ATG2A: variants seen among roughly 807,000 people sequenced by gnomAD.
ATG2A encodes autophagy related 2A.
ATG2A carries 103 observed loss-of-function variants against 214.2 expected under a neutral mutation model. The observed-to-expected ratio is 0.48, with a 90% CI of 0.41 to 0.57. ATG2A has a LOEUF of 0.57. ATG2A is among the 20% of genes least tolerant of loss of function. The pLI, the probability that ATG2A is intolerant of heterozygous loss-of-function variation, is 0.00. For missense variants in ATG2A, 2,312 were observed against 2,613.2 expected (o/e 0.88, Z 2.51); for synonymous variants, 1,160 against 1,142.1 (o/e 1.02, Z -0.32).
intron 39 of ATG2A, 97 bp downstream of exon 39, chr11:64,896,365 C>T: frequency 1.4e-6 from 2 of 1,467,314 alleles, no homozygotes; most frequent in Non-Finnish European, 1.8e-6. Flanking sequence ...CCAGACTGCC[C>T]ACTCTGAGGA....
In ATG2A at chr11:64,915,139, C is replaced by A. The variant is rs569334715; in HGVS notation, c.172-639G>T. On this transcript the variant is annotated intron_variant, in intron 1 of 40. Coordinates refer to ENST00000377264, the MANE Select transcript of ATG2A (RefSeq NM_015104.3). Reference sequence around the variant, plus strand: ...GACCTAATGCCAGATGGGACCCCCCCCCCCCACCACCAACCCCAAACACCT... The same window carrying A: ...GACCTAATGCCAGATGGGACCCCCCACCCCCACCACCAACCCCAAACACCT... 6.6e-3 allele frequency among the ~76,000 whole-genome samples: 270 copies of A among 41,116 alleles called. 9 individuals are homozygous for A. The highest frequency in any genetic ancestry group is 0.015 in the African/African-American group (237 of 15,584). The allele number at this position is 41,116 out of a possible 152,430, so 27.0% of individuals were successfully genotyped here.
At chr11:64,911,698 G>T in intron 9 of ATG2A, 144 bp downstream of exon 9, 1 of 1,193,744 alleles carries the variant, frequency 8.4e-7, no homozygotes, top group Non-Finnish European at 1.2e-6. Flanking sequence ...CTCCCACCTT[G>T]TTTGGTCCCC....
In ATG2A at chr11:64,914,495, C is replaced by T. The variant is rs1158295511; in HGVS notation, c.177G>A (p.Val59=). 5 of 1,612,170 alleles carry T rather than the reference C, an allele frequency of 3.1e-6. No individual in the cohort carries two copies. Among genetic ancestry groups the T allele is most frequent in the African/African-American group, 1.3e-5 (1 of 74,926 alleles). ...ACTCCATTGACTCCAGCACCTCGTT[C>T]ACAGACTGGGAGCAAGCAAGAGACA... ...LRDIHLEIWS[V]NEVLESMESP... The change falls in exon 2 of 41, where the codon GTG becomes GTA. Residue 59 remains valine, a synonymous_variant. Coordinates refer to ENST00000377264, the MANE Select transcript of ATG2A (RefSeq NM_015104.3).
chr11:64,914,673 C>G (rs964476902), intron 1 of ATG2A, among the ~76,000 whole-genome samples, 173 bp from the exon 2 acceptor site: 3 of 152,168 alleles, frequency 2.0e-5, no homozygotes, highest in African/African-American at 7.2e-5. Context: ...CAGGCCAGCC[C>G]CCCTACCCCG....
intron 20 of ATG2A, 36 bp downstream of exon 20, chr11:64,906,629 T>A (rs1944562826): frequency 6.2e-7 from 1 of 1,611,342 alleles, no homozygotes; most frequent in Admixed American, 1.7e-5. Context: ...CCCCCAACCC[T>A]GGACCCCAGT....
intron 22 of ATG2A, 53 bp from the exon 23 acceptor site, chr11:64,905,901 C>T: frequency 1.9e-6 from 3 of 1,544,006 alleles, no homozygotes; most frequent in Non-Finnish European, 2.7e-6. Context: ...TGTCCTCCCT[C>T]CTCTAACCCC....
At position 64,902,076 on chromosome 11, in the gene ATG2A, G is replaced by T; in HGVS notation, c.4005C>A (p.Gly1335=). 6.2e-7 allele frequency: 1 copy of T among 1,614,004 alleles called. No individual in the cohort carries two copies. The highest frequency in any genetic ancestry group is 8.5e-7 in the Non-Finnish European group (1 of 1,180,018). Residue 1335 remains glycine (G), a synonymous_variant, in exon 29 of 41, where the codon GGC becomes GGA. Transcript: ENST00000377264. ...TCTCCTCTGAGCATGACCCTAAGCT[G>T]CCAGCAGGGCCCCCGACAGGTGGTG... The part of the protein sequence containing the change: ...PPSPPVGGPA[G]SLGSCSEEKE...
Position 64,902,378 on chromosome 11 carries a change from C to G in ATG2A, c.3786G>C (p.Glu1262Asp), listed in dbSNP as rs149707582. The change falls in exon 28 of 41, where the codon GAG becomes GAC. Residue 1262 changes from glutamate (E) to aspartate (D), a missense_variant. Physicochemically the swap from Glu to Asp is conservative, Grantham distance 45 (BLOSUM62 2). Transcript: ENST00000377264. Reference protein sequence around the residue: ...PTEIAGQKLSESPASLPSCPP... With the variant: ...PTEIAGQKLSDSPASLPSCPP... ...GGCACGAGGGCAGAGAGGCAGGACT[C>G]TCCGAGAGCTGGGCCAGGCAGGGGA... is the stretch of plus-strand genomic sequence containing the variant. 1,281 of 1,575,452 alleles carry G rather than the reference C, an allele frequency of 8.1e-4. 1 individual carries two copies. Among genetic ancestry groups the G allele is most frequent in the Non-Finnish European group, 1.1e-3 (1,221 of 1,161,362 alleles).
chr11:64,901,383 C>T (rs957173395), intron 29 of ATG2A, among the ~76,000 whole-genome samples: 15 of 152,118 alleles, frequency 9.9e-5, no homozygotes, highest in Admixed American at 9.8e-4. Flanking sequence ...GACGGGGTCT[C>T]ACTATGTTGC....
At chr11:64,912,693 A>G in intron 6 of ATG2A, 1 of 462,866 alleles carries the variant, frequency 2.2e-6, no homozygotes, top group South Asian at 2.8e-5. Flanking sequence ...TCCTGGGTTC[A>G]AGCGATTCTC....
At position 64,911,935 on chromosome 11, in the gene ATG2A, G is replaced by A; in HGVS notation, c.1135C>T (p.Leu379Phe). 1 of 1,613,708 alleles carries A rather than the reference G, an allele frequency of 6.2e-7. No homozygotes were observed. Among genetic ancestry groups the A allele is most frequent in the Non-Finnish European group, 8.5e-7 (1 of 1,179,824 alleles). ...ACATCGGAGAGGGAGAGCTCAGAGA[G>A]GGCTGAGGCCACACTGCTTGTGAGG... Reference protein sequence around the residue: ...AGLTSSVASALSELSLSDVDL... With the variant: ...AGLTSSVASAFSELSLSDVDL... The change falls in exon 9 of 41, where the codon CTC becomes TTC. Residue 379 changes from leucine to phenylalanine, a missense_variant. Coordinates refer to ENST00000377264, the MANE Select transcript of ATG2A (RefSeq NM_015104.3).
Position 64,910,919 on chromosome 11 carries a change from AGCTCCCAGGACAGCT to A in ATG2A, c.1487_1501del (p.Gln496_Glu500del). On this transcript the variant is annotated inframe_deletion, in exon 11 of 41. Transcript: ENST00000377264. ...CCGCCGGCCCCGACTGCCCGTCCGC[AGCTCCCAGGACAGCT>A]GCACGGCTGTGCCCGTTAGCCTGCG... 3 of 1,613,090 alleles carry A rather than the reference AGCTCCCAGGACAGCT, an allele frequency of 1.9e-6. No individual in the cohort carries two copies. Among genetic ancestry groups the A allele is most frequent in the Non-Finnish European group, 2.5e-6 (3 of 1,179,946 alleles).
At position 64,915,776 on chromosome 11, in the gene ATG2A, C is replaced by G. The variant is rs1419963585; in HGVS notation, c.171+1189G>C. Among the ~76,000 whole-genome samples the G allele has an allele frequency of 5.9e-5, 9 of 152,202 alleles. No individual in the cohort carries two copies. In the South Asian group the frequency reaches 1.9e-3, roughly 32 times the overall value. The stretch of plus-strand genomic sequence containing the variant: ...GGAGGATCCCTTCAGGGGTTCAAGG[C>G]TAGCCTGGGCAACATAGCGAAATCC... On this transcript the variant is annotated intron_variant, in intron 1 of 40. Coordinates refer to ENST00000377264, the MANE Select transcript of ATG2A (RefSeq NM_015104.3).
At position 64,897,884 on chromosome 11, in the gene ATG2A, C is replaced by T. The variant is rs1944211102; in HGVS notation, c.4949G>A (p.Gly1650Asp). The T allele has an allele frequency of 3.2e-6, 5 of 1,571,694 alleles. No homozygotes were observed. In the Middle Eastern group the frequency reaches 6.8e-4, roughly 215 times the overall value. Reference sequence around the variant, plus strand: ...GTCAGGAGGGGAGGGGCTGTGTCCACCTCCTGGGGCCTCCTGCGAACCAGT... The same window carrying T: ...GTCAGGAGGGGAGGGGCTGTGTCCATCTCCTGGGGCCTCCTGCGAACCAGT... ...ETTGSQEAPG[G>D]GHSPSPPDQQ... The change falls in exon 35 of 41, where the codon GGT becomes GAT. Residue 1650 changes from glycine to aspartate, a missense_variant. Physicochemically the swap from Gly to Asp is moderately conservative, Grantham distance 94. Transcript: ENST00000377264.
In ATG2A at chr11:64,913,085, C is replaced by T; in HGVS notation, c.778G>A (p.Glu260Lys). 6.3e-7 allele frequency: 1 copy of T among 1,576,510 alleles called. No homozygotes were observed. Among genetic ancestry groups the T allele is most frequent in the Non-Finnish European group, 8.6e-7 (1 of 1,159,526 alleles). ...LQIGSCSGYMELMVKLKQNEA... is the reference protein window; with the variant it reads ...LQIGSCSGYMKLMVKLKQNEA... ...TTTTGCTTCAACTTCACCATCAGCT[C>T]CATGTACCCTGAGCAGCTGCCGATC... The change falls in exon 6 of 41, where the codon GAG becomes AAG. Residue 260 changes from glutamate to lysine, a missense_variant. Physicochemically the swap from Glu to Lys is moderately conservative, Grantham distance 56. Coordinates refer to ENST00000377264, the MANE Select transcript of ATG2A (RefSeq NM_015104.3). The surrounding 1 kb of genome is among the most constrained non-coding windows in gnomAD (Gnocchi z 4.3).
In ATG2A at chr11:64,910,861, CAGCTGCCCGA is replaced by C; in HGVS notation, c.1550_1559del (p.Phe517TrpfsTer21). The C allele has an allele frequency of 6.2e-7, 1 of 1,608,852 alleles. No individual in the cohort carries two copies. The highest frequency in any genetic ancestry group is 8.5e-7 in the Non-Finnish European group (1 of 1,178,158). Reference sequence around the variant, plus strand: ...GGGGCCACAGACACTCCAGCACCTCCAGCTGCCCGAAGTGCACTTCCATGCTGGTTGTCCG... The same window carrying C: ...GGGGCCACAGACACTCCAGCACCTCCAGTGCACTTCCATGCTGGTTGTCCG... On this transcript the variant is annotated frameshift_variant, in exon 11 of 41. Transcript: ENST00000377264. LOFTEE classifies it high-confidence loss of function.
intron 24 of ATG2A, 139 bp downstream of exon 24, chr11:64,905,424 G>A: frequency 1.0e-6 from 1 of 973,392 alleles, no homozygotes; most frequent in African/African-American, 1.6e-5. Context: ...CTCTAGAAAG[G>A]CGGAAACAAT....
chr11:64,915,701 G>C (rs1314902558), intron 1 of ATG2A, among the ~76,000 whole-genome samples: 1 of 152,188 alleles, frequency 6.6e-6, no homozygotes, highest in Non-Finnish European at 1.5e-5. Context: ...GCCTAGGGCT[G>C]GGTATGGTGG....
Position 64,894,904 on chromosome 11 carries a change from T to G in ATG2A, c.*69A>C. ...GAAGGGCCAGGCCGGGCCGGGCCCG[T>G]GGGCTGCAGCTCTTGGGAGGCTCAG... On this transcript the variant is annotated 3_prime_UTR_variant, in exon 41 of 41. Transcript: ENST00000377264. 1 of 1,575,766 alleles carries G rather than the reference T, an allele frequency of 6.3e-7. No homozygotes were observed. Among genetic ancestry groups the G allele is most frequent in the Non-Finnish European group, 8.7e-7 (1 of 1,152,088 alleles).
Sources: gnomAD v4.1 joint callset for allele counts (sites outside exome capture counted in the v4.1 genomes callset) on GRCh38, gnomAD v4.1.1 for gene constraint, Gnocchi (gnomAD v3.1) non-coding constraint, MANE v1.5 for transcripts, NCBI Gene and HGNC (gene_info 2026-07-23, HGNC 2026-07-21) for gene names.